ARHGEF28: variants seen among roughly 807,000 people sequenced by gnomAD.
ARHGEF28 encodes the protein 190 kDa guanine nucleotide exchange factor.
In ARHGEF28, 152 loss-of-function variants were observed where a neutral mutation model predicts 206.6. The ratio of observed to expected loss-of-function variants is 0.74; its 90% CI spans 0.64 to 0.84. ARHGEF28 has a LOEUF of 0.84. ARHGEF28 is among the 40% of genes least tolerant of loss of function. The pLI is 0.00. For synonymous variants in ARHGEF28, 763 were observed against 776.4 expected (o/e 0.98, Z 0.29); for missense variants, 2,028 against 2,073.2 (o/e 0.98, Z 0.42).
rs572063065 is a variant in ARHGEF28 at position 73,710,796 on chromosome 5, G to A, written c.33+25912G>A. On this transcript the variant is annotated intron_variant, in intron 2 of 35. Transcript: ENST00000513042. ...TGGCTCACTGAAGCCTCTGCCTCGC[G>A]GGTTCAAGTGATTCTACCACCTCAG... is the stretch of plus-strand genomic sequence containing the variant. 3.3e-5 allele frequency among the ~76,000 whole-genome samples: 5 copies of A among 152,168 alleles called. No homozygotes were observed. In the East Asian group the frequency reaches 9.7e-4, roughly 29 times the overall value.
chr5:73,634,756 T>C (rs1188894396), intron 1 of ARHGEF28, among the ~76,000 whole-genome samples: 1 of 152,222 alleles, frequency 6.6e-6, no homozygotes, highest in Non-Finnish European at 1.5e-5. Context: ...GAGATGTTCT[T>C]TCTCTCCTTT....
In ARHGEF28 at chr5:73,887,674, G is replaced by C; in HGVS notation, c.3382G>C (p.Ala1128Pro). The C allele has an allele frequency of 6.4e-7, 1 of 1,566,392 alleles. No homozygotes were observed. Among genetic ancestry groups the C allele is most frequent in the African/African-American group, 1.3e-5 (1 of 74,100 alleles). Reference protein sequence around the residue: ...QEKDQKYIFAAVDQKPSVISL... With the variant: ...QEKDQKYIFAPVDQKPSVISL... ...AAAAGACCAGAAATACATCTTTGCA[G>C]CCGTTGTAAGTATATGACTGTGTGA... The change falls in exon 26 of 36, where the codon GCC (alanine) becomes CCC (proline). Residue 1128 changes from alanine to proline, a missense_variant. Ala to Pro is a conservative substitution (Grantham distance 27). Transcript: ENST00000513042.
intron 1 of ARHGEF28, among the ~76,000 whole-genome samples, chr5:73,668,300 T>C (rs78787006): frequency 0.01 from 1,537 of 152,316 alleles, 25 homozygotes; most frequent in African/African-American, 0.034. Context: ...GATTGGGTAA[T>C]TTATAAAGAA....
At chr5:73,748,900 T>C (rs1270243795) in intron 2 of ARHGEF28, among the ~76,000 whole-genome samples, 2 of 152,150 alleles carry the variant, frequency 1.3e-5, no homozygotes, top group Non-Finnish European at 2.9e-5. Flanking sequence ...GACCTGGCAG[T>C]CCCTACCATA....
intron 33 of ARHGEF28, among the ~76,000 whole-genome samples, chr5:73,907,446 G>A (rs1762620313): frequency 6.6e-6 from 1 of 152,212 alleles, no homozygotes; most frequent in Non-Finnish European, 1.5e-5. Flanking sequence ...GCTGGTCCAA[G>A]GCCATGGGCT....
At chr5:73,936,853 C>T (rs1764449369) in intron 35 of ARHGEF28, among the ~76,000 whole-genome samples, 1 of 152,190 alleles carries the variant, frequency 6.6e-6, no homozygotes, top group Non-Finnish European at 1.5e-5. Flanking sequence ...CAGGCGTGAA[C>T]TACCATGCCC....
chr5:73,845,986 C>CAAAAAAAAAAAAAAAAAAAAAAGAAAA (rs1758316628), intron 11 of ARHGEF28, among the ~76,000 whole-genome samples: 2 of 63,736 alleles, frequency 3.1e-5, no homozygotes, highest in Non-Finnish European at 6.8e-5. Context: ...AAAACTGTCT[C>CAAAAAAAAAAAAAAAAAAAAAAGAAAA]AAAAAAAAAA....
At chr5:73,883,265 T>A (rs1335972754) in intron 23 of ARHGEF28, among the ~76,000 whole-genome samples, 2 of 152,186 alleles carry the variant, frequency 1.3e-5, no homozygotes, top group Non-Finnish European at 2.9e-5. Flanking sequence ...TACCAGATTC[T>A]CTTCCCTTTT....
chr5:73,629,898 A>G (rs980617908), intron 1 of ARHGEF28, among the ~76,000 whole-genome samples: 2 of 152,234 alleles, frequency 1.3e-5, no homozygotes, highest in African/African-American at 4.8e-5. Flanking sequence ...TTAACATACA[A>G]GCGATGTTCT....
At chr5:73,730,686 C>T (rs887396582) in intron 2 of ARHGEF28, among the ~76,000 whole-genome samples, 3 of 152,018 alleles carry the variant, frequency 2.0e-5, no homozygotes, top group Admixed American at 6.6e-5. Context: ...AGGTGTGTGC[C>T]ACCATGCCTG....
intron 2 of ARHGEF28, among the ~76,000 whole-genome samples, chr5:73,710,794 G>A (rs777879051): frequency 2.2e-4 from 34 of 152,004 alleles, no homozygotes; most frequent in African/African-American, 6.8e-4. Flanking sequence ...CCTCTGCCTC[G>A]CGGGTTCAAG....
chr5:73,653,824 TC>T (rs1260466114), intron 1 of ARHGEF28, among the ~76,000 whole-genome samples: 8 of 151,818 alleles, frequency 5.3e-5, no homozygotes, highest in Non-Finnish European at 7.4e-5. Flanking sequence ...TGCCCTCTGT[TC>T]CCCCCCGTCA....
chr5:73,768,281 C>T (rs566076287), intron 4 of ARHGEF28, among the ~76,000 whole-genome samples: 46 of 152,310 alleles, frequency 3.0e-4, no homozygotes, highest in Admixed American at 3.0e-3. Context: ...ATCTTCCAGA[C>T]CCCAGAATGG....
chr5:73,707,949 T>C (rs183428179), intron 2 of ARHGEF28, among the ~76,000 whole-genome samples: 22 of 152,310 alleles, frequency 1.4e-4, no homozygotes, highest in Admixed American at 1.3e-3. Flanking sequence ...TTCATTCTAG[T>C]ATTCACTCTT....
chr5:73,830,306 C>T (rs1757211243), intron 9 of ARHGEF28, among the ~76,000 whole-genome samples: 1 of 152,138 alleles, frequency 6.6e-6, no homozygotes, highest in South Asian at 2.1e-4. Context: ...GTAATCCCAG[C>T]ACTTTGGGAG....
Position 73,937,128 on chromosome 5 carries a change from T to G in ARHGEF28, c.4949-3716T>G, listed in dbSNP as rs1024871317. On this transcript the variant is annotated intron_variant, in intron 35 of 35. Transcript: ENST00000513042. Reference sequence around the variant, plus strand: ...ATTGGGAGATTTAGGAAACTTTCTCTGGATATCAGTGCTGTCTGCAGGTGT... The same window carrying G: ...ATTGGGAGATTTAGGAAACTTTCTCGGGATATCAGTGCTGTCTGCAGGTGT... Among the ~76,000 whole-genome samples the G allele has an allele frequency of 2.0e-5, 3 of 152,238 alleles. No individual in the cohort carries two copies. In the East Asian group the frequency reaches 5.8e-4, roughly 29 times the overall value.
At chr5:73,778,801 A>G (rs1392242910) in intron 6 of ARHGEF28, among the ~76,000 whole-genome samples, 2 of 152,234 alleles carry the variant, frequency 1.3e-5, no homozygotes, top group Non-Finnish European at 2.9e-5. Flanking sequence ...ACAACTTTGG[A>G]TGATAAATAT....
intron 4 of ARHGEF28, among the ~76,000 whole-genome samples, chr5:73,770,959 G>A (rs1753188615): frequency 6.6e-6 from 1 of 152,188 alleles, no homozygotes; most frequent in Non-Finnish European, 1.5e-5. Flanking sequence ...AGCTTGGAGA[G>A]CTCTCGTGGT....
chr5:73,832,582 G>T, intron 10 of ARHGEF28, 123 bp downstream of exon 10: 1 of 1,329,316 alleles, frequency 7.5e-7, no homozygotes, highest in Non-Finnish European at 1.0e-6. Flanking sequence ...CAAAGAGGAT[G>T]CTGTTGTGGG....
Sources: gnomAD v4.1 joint callset for allele counts (sites outside exome capture counted in the v4.1 genomes callset) on GRCh38, gnomAD v4.1.1 for gene constraint, MANE v1.5 for transcripts, NCBI Gene and HGNC (gene_info 2026-07-23, HGNC 2026-07-21) for gene names.